SLIT1: variants seen among roughly 807,000 people sequenced by gnomAD.
SLIT1 encodes slit homolog 1 protein.
Under a neutral mutation model 186.1 loss-of-function variants are expected in SLIT1, and 66 were observed. The observed-to-expected ratio is 0.35, with a 90% CI of 0.29 to 0.44. The LOEUF (loss-of-function observed/expected upper bound fraction) is 0.44. SLIT1 is among the 20% of genes least tolerant of loss of function. The probability of loss-of-function intolerance (pLI) is 1.00; values close to 1 mark genes in which losing one functional copy is unlikely to be tolerated. For missense variants in SLIT1, 1,638 were observed against 2,037.4 expected, an observed-to-expected ratio of 0.80 and a Z score of 3.77; for synonymous variants, 761 against 833.8, an observed-to-expected ratio of 0.91 and a Z score of 1.50.
At chr10:97,076,712 G>T (rs944377031) in intron 4 of SLIT1, among the ~76,000 whole-genome samples, 1 of 152,242 alleles carries the variant, frequency 6.6e-6, no homozygotes, top group African/African-American at 2.4e-5. Context: ...CCAGAGGCCA[G>T]GGCTTTGTCC....
At chr10:97,151,313 A>G (rs58262024) in intron 4 of SLIT1, among the ~76,000 whole-genome samples, 4,384 of 123,244 alleles carry the variant, frequency 0.036, 225 homozygotes, top group African/African-American at 0.12. Context: ...GGGAGATAGA[A>G]GGGTATCTGG....
intron 4 of SLIT1, among the ~76,000 whole-genome samples, chr10:97,107,428 G>A (rs1157240827): frequency 1.3e-5 from 2 of 152,028 alleles, no homozygotes; most frequent in Non-Finnish European, 2.9e-5. Context: ...TATTCCCTGG[G>A]CCTCCCCTTC....
Position 97,021,843 on chromosome 10 carries a change from G to A in SLIT1, c.2583-430C>T, listed in dbSNP as rs567964043. Among the ~76,000 whole-genome samples the A allele has an allele frequency of 2.1e-4, 32 of 152,302 alleles. No individual in the cohort carries two copies. The highest frequency in any genetic ancestry group is 7.5e-4 in the African/African-American group (31 of 41,558). On this transcript the variant is annotated intron_variant, in intron 25 of 36. Transcript: ENST00000266058. The surrounding 1 kb of genome is among the most constrained non-coding windows in gnomAD (Gnocchi z 4.5). ...CTCCCAAAGTGCTGGGATTACAGGC[G>A]TGAGCCACCGTGCCTGGCTGCCAGT...
chr10:97,043,570 C>T lies in SLIT1; in HGVS notation c.1854-57G>A. On this transcript the variant is annotated intron_variant, in intron 18 of 36. Coordinates refer to ENST00000266058, the MANE Select transcript of SLIT1 (RefSeq NM_003061.3). This position sits in a 1 kb window ranked among gnomAD's most constrained non-coding sequence, Gnocchi z 7.0. ...CCTTGCTGCCCTGCCAGCCATCCAC[C>T]TGGGCCACGCAGCTTCCGCCATCGT... 6.6e-7 allele frequency: 1 copy of T among 1,523,802 alleles called. No individual in the cohort carries two copies. Among genetic ancestry groups the T allele is most frequent in the East Asian group, 2.2e-5 (1 of 44,454 alleles). 94.4% of individuals were successfully genotyped at this position (1,523,802 alleles called of 1,614,324 possible). A position where few individuals can be genotyped will look rare whatever the true frequency, so the allele number is the denominator to read the frequency against.
At chr10:97,178,499 G>A (rs1850286113) in intron 1 of SLIT1, among the ~76,000 whole-genome samples, 1 of 152,162 alleles carries the variant, frequency 6.6e-6, no homozygotes, top group African/African-American at 2.4e-5. Context: ...GGAGACTAAA[G>A]ACCATGACCA....
chr10:97,103,985 A>G (rs1564676879), intron 4 of SLIT1, among the ~76,000 whole-genome samples: 1 of 152,202 alleles, frequency 6.6e-6, no homozygotes, highest in East Asian at 1.9e-4. Flanking sequence ...ACCCCTGTGC[A>G]TCAGGTGGCC....
chr10:97,118,047 C>G (rs776808484), intron 4 of SLIT1, among the ~76,000 whole-genome samples: 1 of 152,044 alleles, frequency 6.6e-6, no homozygotes, highest in African/African-American at 2.4e-5. Context: ...ATGGCTATTC[C>G]AAATCTTTGC....
At chr10:97,089,185 C>G (rs1011503325) in intron 4 of SLIT1, among the ~76,000 whole-genome samples, 4 of 152,068 alleles carry the variant, frequency 2.6e-5, no homozygotes, top group African/African-American at 9.7e-5. Flanking sequence ...GCCAGGAGAC[C>G]AATGAAGAGA....
In SLIT1 at chr10:97,021,195, T is replaced by C. The variant is rs546140709; in HGVS notation, c.2746+55A>G. ...CAGGCATGTTAGGAAGGCCCTGCAG[T>C]GTTGGGCAAGTTCTGTGAGCCCCCA... is the stretch of plus-strand genomic sequence containing the variant. On this transcript the variant is annotated intron_variant, in intron 26 of 36. Transcript: ENST00000266058. This position sits in a 1 kb window ranked among gnomAD's most constrained non-coding sequence, Gnocchi z 4.5. The C allele has an allele frequency of 1.3e-6, 2 of 1,564,476 alleles. No homozygotes were observed. The highest frequency in any genetic ancestry group is 1.2e-5 in the South Asian group (1 of 83,492).
chr10:97,136,606 C>T lies in SLIT1; in HGVS notation c.413+21212G>A, dbSNP rs558347213. On this transcript the variant is annotated intron_variant, in intron 4 of 36. Transcript: ENST00000266058. ...CATCTCCTTACACGAAAATAAAAAA[C>T]AAACCATCTCTGCCCGGCGTTTTAT... Among the ~76,000 whole-genome samples the T allele has an allele frequency of 3.9e-5, 6 of 152,324 alleles. No individual in the cohort carries two copies. The South Asian group carries it at 1.0e-3, about 26-fold the overall frequency.
At position 97,043,825 on chromosome 10, in the gene SLIT1, C is replaced by T. The variant is rs1848712859; in HGVS notation, c.1854-312G>A. On this transcript the variant is annotated intron_variant, in intron 18 of 36. Transcript: ENST00000266058. The surrounding 1 kb of genome is among the most constrained non-coding windows in gnomAD (Gnocchi z 7.0). The stretch of plus-strand genomic sequence containing the variant: ...CCCAGAGTTCCTGCCCGTCTTTAGG[C>T]CATGCTCCACATCAGTGCCCAGGAG... Among the ~76,000 whole-genome samples the T allele has an allele frequency of 6.6e-6, 1 of 152,222 alleles. No individual in the cohort carries two copies. Among genetic ancestry groups the T allele is most frequent in the African/African-American group, 2.4e-5 (1 of 41,450 alleles).
intron 12 of SLIT1, among the ~76,000 whole-genome samples, chr10:97,056,892 G>C (rs374336560): frequency 3.3e-5 from 5 of 152,312 alleles, no homozygotes; most frequent in East Asian, 1.9e-4. Flanking sequence ...CAAGGAGGCC[G>C]AGCTGGCCTG....
intron 24 of SLIT1, 56 bp downstream of exon 24, chr10:97,031,550 G>A (rs78836709): frequency 7.2e-7 from 1 of 1,395,834 alleles, no homozygotes. Context: ...CCAGGTGGGT[G>A]GCAGGACCCT....
intron 4 of SLIT1, among the ~76,000 whole-genome samples, chr10:97,119,800 C>G (rs1050039456): frequency 6.6e-6 from 1 of 151,476 alleles, no homozygotes; most frequent in Non-Finnish European, 1.5e-5. Flanking sequence ...TCGTTCTCAC[C>G]TGGAGCAAAT....
chr10:97,046,550 G>T, intron 18 of SLIT1, 104 bp downstream of exon 18: 1 of 1,201,922 alleles, frequency 8.3e-7, no homozygotes, highest in African/African-American at 1.5e-5. Context: ...CCTCCTGCAA[G>T]CTGGGCCCAG....
At chr10:97,140,078 G>T (rs140853734) in intron 4 of SLIT1, among the ~76,000 whole-genome samples, 41 of 152,120 alleles carry the variant, frequency 2.7e-4, no homozygotes, top group Non-Finnish European at 5.4e-4. Flanking sequence ...TCCTCTTCCC[G>T]CCATCCCTCA....
chr10:97,146,302 G>C (rs1849816282), intron 4 of SLIT1, among the ~76,000 whole-genome samples: 1 of 152,210 alleles, frequency 6.6e-6, no homozygotes. Flanking sequence ...CTTAAGGGAA[G>C]GGTCTAACTA....
At chr10:97,030,425 A>G (rs1848580834) in intron 25 of SLIT1, among the ~76,000 whole-genome samples, 1 of 152,060 alleles carries the variant, frequency 6.6e-6, no homozygotes, top group African/African-American at 2.4e-5. Context: ...TTCTCCATCC[A>G]TTTCCCGGTG....
chr10:97,066,131 G>C, intron 4 of SLIT1, 45 bp from the exon 5 acceptor site: 1 of 1,477,324 alleles, frequency 6.8e-7, no homozygotes. Flanking sequence ...GGTCAGAAAA[G>C]AGGTTCCTGC....
Sources: gnomAD v4.1 joint callset for allele counts (sites outside exome capture counted in the v4.1 genomes callset) on GRCh38, gnomAD v4.1.1 for gene constraint, Gnocchi (gnomAD v3.1) non-coding constraint, MANE v1.5 for transcripts, NCBI Gene and HGNC (gene_info 2026-07-23, HGNC 2026-07-21) for gene names.